The following OTOGL variants were observed in gnomAD, a reference collection of about 807,000 sequenced individuals.
OTOGL encodes otogelin like.
In OTOGL, 285 loss-of-function variants were observed where a neutral mutation model predicts 318.5. The observed-to-expected ratio is 0.89, with a 90% CI of 0.81 to 0.99. The LOEUF (loss-of-function observed/expected upper bound fraction) is 0.99, where lower values mean the gene tolerates loss of function less well. Among genes scored for constraint, OTOGL ranks in the 50% least tolerant of loss-of-function variants. The probability of loss-of-function intolerance (pLI) is 0.00; values close to 1 mark genes in which losing one functional copy is unlikely to be tolerated. For synonymous variants in OTOGL, 987 were observed against 936.5 expected (o/e 1.05, Z -0.99); for missense variants, 2,899 against 2,845.6 (o/e 1.02, Z -0.43).
Position 80,219,813 on chromosome 12 carries a change from G to A in OTOGL, c.236-1G>A. On this transcript the variant is annotated splice_acceptor_variant, in intron 5 of 58. Transcript: ENST00000547103. LOFTEE classifies it high-confidence loss of function. Reference sequence around the variant, plus strand: ...AACTTTTTTTTTTTTTTCCCCCTCAGGTTCTTGTCCTTATGAATGCCTTAA... The same window carrying A: ...AACTTTTTTTTTTTTTTCCCCCTCAAGTTCTTGTCCTTATGAATGCCTTAA... The A allele has an allele frequency of 6.4e-7, 1 of 1,551,658 alleles. No homozygotes were observed. Among genetic ancestry groups the A allele is most frequent in the South Asian group, 1.2e-5 (1 of 86,806 alleles).
intron 1 of OTOGL, among the ~76,000 whole-genome samples, chr12:80,165,599 G>C (rs928158420): frequency 6.6e-6 from 1 of 152,146 alleles, no homozygotes; most frequent in East Asian, 1.9e-4. Context: ...TCTTCCATTT[G>C]AGTTTAGTTG....
chr12:80,352,388 T>G lies in OTOGL; in HGVS notation c.5359T>G (p.Cys1787Gly). ...TGCACTTTCTGCATATGTGGCTCTG[T>G]GCAACAAGTTTGATATCTGTATTCA... ...CDALSAYVAL[C>G]NKFDICIQWR... The change falls in exon 45 of 59, where the codon TGC (cysteine) becomes GGC (glycine). Residue 1787 changes from cysteine to glycine, a missense_variant. Around this residue, in one of 3 missense-constraint regions of OTOGL, gnomAD observed 2,607 missense variants for 2,524.9 expected, o/e 1.03. Transcript: ENST00000547103. The G allele has an allele frequency of 6.2e-7, 1 of 1,612,582 alleles. No homozygotes were observed. The highest frequency in any genetic ancestry group is 8.5e-7 in the Non-Finnish European group (1 of 1,179,082).
chr12:80,150,928 A>G (rs930478395), intron 1 of OTOGL, among the ~76,000 whole-genome samples: 2 of 152,116 alleles, frequency 1.3e-5, no homozygotes, highest in Non-Finnish European at 2.9e-5. Context: ...TTACAATGGA[A>G]AAAGGACAAA....
At position 80,315,257 on chromosome 12, in the gene OTOGL, A is replaced by G. The variant is rs565417009; in HGVS notation, c.3634+926A>G. Among the ~76,000 whole-genome samples the G allele has an allele frequency of 3.9e-5, 6 of 152,320 alleles. No homozygotes were observed. The South Asian group carries it at 1.2e-3, about 32-fold the overall frequency. On this transcript the variant is annotated intron_variant, in intron 32 of 58. Coordinates refer to ENST00000547103, the MANE Select transcript of OTOGL (RefSeq NM_001378609.3). The stretch of plus-strand genomic sequence containing the variant: ...ACATAAGAAATAATGTAAGGAATTT[A>G]TTTTGCCATCATTGTAGGCAAAAGT...
At chr12:80,267,853 G>A (rs1289817704) in intron 22 of OTOGL, among the ~76,000 whole-genome samples, 1 of 151,664 alleles carries the variant, frequency 6.6e-6, no homozygotes, top group Non-Finnish European at 1.5e-5. Context: ...CTGCAGAAAG[G>A]AGTTATGAAT....
intron 7 of OTOGL, among the ~76,000 whole-genome samples, chr12:80,227,342 T>G (rs1018875557): frequency 6.6e-6 from 1 of 152,226 alleles, no homozygotes; most frequent in Non-Finnish European, 1.5e-5. Flanking sequence ...AATTTTTCTC[T>G]CAGAAGATAT....
chr12:80,377,865 T>C lies in OTOGL; in HGVS notation c.6879T>C (p.Cys2293=), dbSNP rs751599801. 6.2e-7 allele frequency: 1 copy of C among 1,609,548 alleles called. No individual in the cohort carries two copies. Among genetic ancestry groups the C allele is most frequent in the African/African-American group, 1.3e-5 (1 of 74,852 alleles). ...TCTTACAGATAAATGTTGCATCTTGTGACGGCAAATGCCCATCAGCTACCA... is the reference window on the plus strand; with the variant it reads ...TCTTACAGATAAATGTTGCATCTTGCGACGGCAAATGCCCATCAGCTACCA... ...MSQSPINVAS[C]DGKCPSATIY... is the part of the protein sequence containing the mutation. Residue 2293 remains cysteine (C), a synonymous_variant, in exon 59 of 59, where the codon TGT becomes TGC. Coordinates refer to ENST00000547103, the MANE Select transcript of OTOGL (RefSeq NM_001378609.3).
intron 1 of OTOGL, among the ~76,000 whole-genome samples, chr12:80,177,115 C>A (rs1021913539): frequency 5.3e-5 from 8 of 151,770 alleles, no homozygotes; most frequent in Non-Finnish European, 1.2e-4. Flanking sequence ...CAAATGTTTC[C>A]TCTCAATGTT....
chr12:80,358,741 T>C lies in OTOGL; in HGVS notation c.6192T>C (p.Asn2064=). The part of the protein sequence containing the change: ...CAEDMNLVKE[N]VSGQCCPTWH... ...AAGATATGAATCTTGTGAAAGAAAATGTATCTGGTCAATGTTGCCCAACAT... is the reference window on the plus strand; with the variant it reads ...AAGATATGAATCTTGTGAAAGAAAACGTATCTGGTCAATGTTGCCCAACAT... The change falls in exon 51 of 59, where the codon AAT becomes AAC. Residue 2064 remains asparagine, a synonymous_variant. Transcript: ENST00000547103. 2.5e-6 allele frequency: 4 copies of C among 1,612,620 alleles called. No homozygotes were observed. Among genetic ancestry groups the C allele is most frequent in the Non-Finnish European group, 3.4e-6 (4 of 1,178,930 alleles).
chr12:80,308,029 G>A (rs1383634112), intron 29 of OTOGL, among the ~76,000 whole-genome samples: 2 of 143,658 alleles, frequency 1.4e-5, no homozygotes, highest in Non-Finnish European at 3.1e-5. Flanking sequence ...CGGACGGGGC[G>A]GCTGGCCGCG....
intron 1 of OTOGL, among the ~76,000 whole-genome samples, chr12:80,187,277 T>TA (rs552780579): frequency 1.3e-5 from 2 of 151,900 alleles, no homozygotes; most frequent in African/African-American, 2.4e-5. Context: ...TTTTTTTTTT[T>TA]ATACCGATAC....
chr12:80,258,812 C>T (rs529896023), intron 18 of OTOGL, among the ~76,000 whole-genome samples: 18 of 151,566 alleles, frequency 1.2e-4, no homozygotes, highest in East Asian at 3.9e-4. Flanking sequence ...GGATAAGGGT[C>T]GGGGTGGGAG....
At chr12:80,283,441 C>G (rs1884382376) in intron 26 of OTOGL, among the ~76,000 whole-genome samples, 1 of 151,912 alleles carries the variant, frequency 6.6e-6, no homozygotes, top group African/African-American at 2.4e-5. Context: ...AGTTATCTGT[C>G]CTGTTCTTAT....
chr12:80,308,060 C>T (rs1886331490), intron 29 of OTOGL, among the ~76,000 whole-genome samples: 1 of 139,126 alleles, frequency 7.2e-6, no homozygotes, highest in East Asian at 2.2e-4. Context: ...ATCCCCCCAC[C>T]TCCCTCCCGG....
intron 1 of OTOGL, chr12:80,189,506 T>C (rs894220920): frequency 1.9e-5 from 18 of 951,948 alleles, no homozygotes; most frequent in Non-Finnish European, 2.3e-5. Flanking sequence ...AAAAATTGTT[T>C]AGTACTAATT....
chr12:80,317,932 C>T (rs756902907), intron 32 of OTOGL, among the ~76,000 whole-genome samples: 6 of 152,088 alleles, frequency 3.9e-5, no homozygotes, highest in Non-Finnish European at 7.4e-5. Flanking sequence ...CCTAGTGAAG[C>T]TCTTTTTCTC....
At chr12:80,157,665 C>G (rs1369997715) in intron 1 of OTOGL, among the ~76,000 whole-genome samples, 1 of 152,152 alleles carries the variant, frequency 6.6e-6, no homozygotes, top group Non-Finnish European at 1.5e-5. Flanking sequence ...TTTCCCAGCA[C>G]CATTTATTGA....
intron 26 of OTOGL, among the ~76,000 whole-genome samples, chr12:80,294,931 A>T (rs1885281932): frequency 6.6e-6 from 1 of 152,026 alleles, no homozygotes; most frequent in Admixed American, 6.6e-5. Flanking sequence ...CTACAAAAAA[A>T]TTTTAAAAAT....
chr12:80,308,260 G>C (rs1348876984), intron 29 of OTOGL, among the ~76,000 whole-genome samples: 1 of 151,064 alleles, frequency 6.6e-6, no homozygotes, highest in East Asian at 2.0e-4. Flanking sequence ...CGGGGCGGCT[G>C]CCGGGCGGAG....
Sources: gnomAD v4.1 joint callset for allele counts (sites outside exome capture counted in the v4.1 genomes callset) on GRCh38, gnomAD v4.1.1 for gene constraint, gnomAD v4.1.1 regional missense constraint, MANE v1.5 for transcripts, NCBI Gene and HGNC (gene_info 2026-07-23, HGNC 2026-07-21) for gene names.